The following MTA3 variants were observed in gnomAD, a reference collection of about 807,000 sequenced individuals.
The protein encoded by MTA3 is metastasis-associated protein MTA3.
A neutral mutation model predicts 83.5 loss-of-function variants in MTA3; 34 were observed. The observed-to-expected ratio is 0.41, with a 90% CI of 0.31 to 0.54. MTA3 has a LOEUF of 0.54. MTA3 is among the 20% of genes least tolerant of loss of function. The pLI is 0.33. For synonymous variants in MTA3, 303 were observed against 252.7 expected, an observed-to-expected ratio of 1.20 and a Z score of -1.89; for missense variants, 761 against 726.4, an observed-to-expected ratio of 1.05 and a Z score of -0.55.
chr2:42,682,597 G>A lies in MTA3; in HGVS notation c.891+8G>A, dbSNP rs1163127038. On this transcript the variant is annotated splice_region_variant and intron_variant, in intron 9 of 16. Transcript: ENST00000405094. Reference sequence around the variant, plus strand: ...GACATACGGCAAGATTTTGTAAGTAGAAAATTATGAGTAAAATAAAATGTT... The same window carrying A: ...GACATACGGCAAGATTTTGTAAGTAAAAAATTATGAGTAAAATAAAATGTT... 1 of 1,599,818 alleles carries A rather than the reference G, an allele frequency of 6.3e-7. No individual in the cohort carries two copies. The highest frequency in any genetic ancestry group is 8.5e-7 in the Non-Finnish European group (1 of 1,172,154).
chr2:42,705,989 A>C (rs1395833864), intron 12 of MTA3, among the ~76,000 whole-genome samples: 1 of 152,176 alleles, frequency 6.6e-6, no homozygotes, highest in Non-Finnish European at 1.5e-5. Context: ...ATTTATTGAC[A>C]ATTATTAAAA....
chr2:42,581,349 G>GT (rs1679603214), intron 3 of MTA3, among the ~76,000 whole-genome samples: 1 of 147,150 alleles, frequency 6.8e-6, no homozygotes, highest in South Asian at 2.2e-4. Flanking sequence ...ACCATGCCTG[G>GT]TCCCAAATTG....
At chr2:42,728,092 T>A (rs1380625117) in intron 16 of MTA3, among the ~76,000 whole-genome samples, 1 of 152,198 alleles carries the variant, frequency 6.6e-6, no homozygotes, top group Non-Finnish European at 1.5e-5. Context: ...TCATACCTCC[T>A]ACCACTATCC....
chr2:42,543,524 A>G (rs530125731), intron 2 of MTA3, among the ~76,000 whole-genome samples: 1 of 145,446 alleles, frequency 6.9e-6, no homozygotes, highest in African/African-American at 2.6e-5. Flanking sequence ...TCACTGTGTC[A>G]CCCAGGCTGG....
At chr2:42,707,418 T>G (rs1429388074) in intron 12 of MTA3, among the ~76,000 whole-genome samples, 2 of 152,098 alleles carry the variant, frequency 1.3e-5, no homozygotes, top group East Asian at 1.9e-4. Context: ...TAATTTTTTT[T>G]GTGTGTTTTC....
At chr2:42,678,983 G>A (rs1307263526) in intron 8 of MTA3, among the ~76,000 whole-genome samples, 1 of 152,130 alleles carries the variant, frequency 6.6e-6, no homozygotes, top group African/African-American at 2.4e-5. Context: ...ACAAGCCTGT[G>A]AGGTAGGCAG....
intron 3 of MTA3, among the ~76,000 whole-genome samples, chr2:42,602,183 C>T (rs1682660272): frequency 6.6e-6 from 1 of 152,024 alleles, no homozygotes; most frequent in Non-Finnish European, 1.5e-5. Flanking sequence ...CATCCTGTTG[C>T]CTAGGCTGGT....
chr2:42,594,717 T>TAAATATAC (rs1182318703), intron 3 of MTA3, among the ~76,000 whole-genome samples: 130 of 40,558 alleles, frequency 3.2e-3, no homozygotes, highest in Non-Finnish European at 4.2e-3. Context: ...TATATATATA[T>TAAATATAC]ATATATATAT....
intron 14 of MTA3, among the ~76,000 whole-genome samples, chr2:42,711,414 T>A: frequency 6.6e-6 from 1 of 152,210 alleles, no homozygotes. Context: ...GCATATAGAT[T>A]ATAGTAATCA....
intron 2 of MTA3, among the ~76,000 whole-genome samples, chr2:42,536,301 C>T (rs1558420835): frequency 6.6e-6 from 1 of 151,672 alleles, no homozygotes; most frequent in African/African-American, 2.4e-5. Context: ...TGAAGAAACC[C>T]CGTCTCTAAT....
At chr2:42,625,946 C>CT (rs540658051) in intron 4 of MTA3, among the ~76,000 whole-genome samples, 3,394 of 128,906 alleles carry the variant, frequency 0.026, 178 homozygotes, top group African/African-American at 0.089. Flanking sequence ...TTTTTTTTTT[C>CT]TTTTTTTTTT....
intron 2 of MTA3, among the ~76,000 whole-genome samples, chr2:42,496,828 T>G (rs1674159343): frequency 6.6e-6 from 1 of 152,188 alleles, no homozygotes; most frequent in Non-Finnish European, 1.5e-5. Flanking sequence ...ACTCCAGTTC[T>G]TTCCTATCTC....
At chr2:42,719,980 C>T (rs1253600473) in intron 15 of MTA3, among the ~76,000 whole-genome samples, 3 of 152,042 alleles carry the variant, frequency 2.0e-5, no homozygotes, top group Non-Finnish European at 2.9e-5. Context: ...CTCAGAGTTG[C>T]TTTGACAGAA....
intron 2 of MTA3, among the ~76,000 whole-genome samples, chr2:42,538,328 G>C (rs1334492830): frequency 6.6e-6 from 1 of 152,184 alleles, no homozygotes; most frequent in East Asian, 1.9e-4. Flanking sequence ...AAGTATGGGT[G>C]ATAGCTATAT....
At chr2:42,641,314 A>G (rs17029811) in intron 5 of MTA3, among the ~76,000 whole-genome samples, 3,472 of 151,714 alleles carry the variant, frequency 0.023, 125 homozygotes, top group African/African-American at 0.08. Flanking sequence ...AGAACCCACT[A>G]TACATTAGAA....
chr2:42,571,123 C>T lies in MTA3; in HGVS notation c.96+619C>T, dbSNP rs181645241. Among the ~76,000 whole-genome samples the T allele has an allele frequency of 3.7e-3, 569 of 151,874 alleles. 7 individuals are homozygous for T. Among genetic ancestry groups the T allele is most frequent in the African/African-American group, 0.013 (535 of 41,424 alleles). On this transcript the variant is annotated intron_variant, in intron 2 of 16. Coordinates refer to ENST00000405094, the MANE Select transcript of MTA3 (RefSeq NM_001330442.2). ...AGATGAGATTTTAGGCTGGGCATGG[C>T]GGCTCACCCCTGTAATCCCAGCAAT...
intron 3 of MTA3, among the ~76,000 whole-genome samples, chr2:42,597,258 T>C (rs1210814348): frequency 6.6e-6 from 1 of 151,856 alleles, no homozygotes; most frequent in African/African-American, 2.4e-5. Context: ...AGAAATGGGG[T>C]CTCACCGTGT....
chr2:42,633,340 T>A (rs1462006181), intron 4 of MTA3, among the ~76,000 whole-genome samples: 1 of 151,566 alleles, frequency 6.6e-6, no homozygotes, highest in Non-Finnish European at 1.5e-5. Flanking sequence ...TCCCAGCAAT[T>A]GGGGGGCCAA....
chr2:42,540,499 A>G (rs1211463233), intron 2 of MTA3, among the ~76,000 whole-genome samples: 2 of 151,990 alleles, frequency 1.3e-5, no homozygotes, highest in Non-Finnish European at 1.5e-5. Context: ...GGGGAAAATG[A>G]TCTGTCTATA....
Sources: allele counts gnomAD v4.1 joint callset (sites outside exome capture counted in the v4.1 genomes callset), GRCh38; gene constraint gnomAD v4.1.1; transcripts MANE v1.5; gene names NCBI Gene and HGNC (gene_info 2026-07-23, HGNC 2026-07-21).